The following MAP4K4 variants were observed in gnomAD, a reference collection of about 807,000 sequenced individuals.
MAP4K4 encodes the protein mitogen-activated protein kinase kinase kinase kinase 4.
A neutral mutation model predicts 189.6 loss-of-function variants in MAP4K4; 38 were observed. The ratio of observed to expected loss-of-function variants is 0.20; its 90% confidence interval spans 0.15 to 0.26. The LOEUF is 0.26. Among genes scored for constraint, MAP4K4 ranks in the 10% least tolerant of loss-of-function variants. MAP4K4 has a pLI of 1.00. For missense variants in MAP4K4, 1,054 were observed against 1,726.9 expected (o/e 0.61, Z 6.91); for synonymous variants, 610 against 624.3 (o/e 0.98, Z 0.34).
chr2:101,768,581 G>C (rs1350596966), intron 2 of MAP4K4, among the ~76,000 whole-genome samples: 7 of 152,090 alleles, frequency 4.6e-5, no homozygotes, highest in Admixed American at 4.6e-4. Flanking sequence ...AGACAATGTA[G>C]TAATACGTCT....
At position 101,720,276 on chromosome 2, in the gene MAP4K4, C is replaced by A. The variant is rs189944113; in HGVS notation, c.123+21738C>A. 7.8e-3 allele frequency among the ~76,000 whole-genome samples: 1,178 copies of A among 151,354 alleles called. 10 individuals carry two copies. Among genetic ancestry groups the A allele is most frequent in the Non-Finnish European group, 0.012 (791 of 67,822 alleles). ...GCAACTTCCACCTCCCAGGTTCAAG[C>A]CATTCTCCTCCCTCAGCTTCCTGAG... On this transcript the variant is annotated intron_variant, in intron 2 of 32. Coordinates refer to ENST00000324219, the Ensembl canonical transcript of MAP4K4.
intron 2 of MAP4K4, among the ~76,000 whole-genome samples, chr2:101,741,058 A>T (rs1276083518): frequency 6.6e-6 from 1 of 152,218 alleles, no homozygotes; most frequent in Non-Finnish European, 1.5e-5. Context: ...TCTGAGAATC[A>T]AATTCAACTT....
chr2:101,854,996 G>A (rs753558142), intron 12 of MAP4K4, among the ~76,000 whole-genome samples: 1 of 152,186 alleles, frequency 6.6e-6, no homozygotes, highest in Non-Finnish European at 1.5e-5. Flanking sequence ...TAGTGACTAC[G>A]GAGCAGTGCA....
chr2:101,837,633 A>G (rs1200456606), intron 9 of MAP4K4, among the ~76,000 whole-genome samples: 2 of 152,176 alleles, frequency 1.3e-5, no homozygotes, highest in Admixed American at 1.3e-4. Flanking sequence ...CCAAGGAATC[A>G]GCTGTGGAGC....
intron 2 of MAP4K4, among the ~76,000 whole-genome samples, chr2:101,741,402 T>A (rs1233824974): frequency 1.3e-5 from 2 of 151,958 alleles, no homozygotes; most frequent in African/African-American, 4.8e-5. Flanking sequence ...TCTCCTGACC[T>A]CGTGATCTGC....
intron 28 of MAP4K4, 143 bp from the exon 29 acceptor site, chr2:101,885,044 C>G (rs181854470): frequency 2.3e-5 from 11 of 477,144 alleles, no homozygotes; most frequent in Non-Finnish European, 4.2e-5. Flanking sequence ...TGTGATCTCT[C>G]TCTCTGAATT....
chr2:101,846,232 A>C (rs73943797), intron 12 of MAP4K4, among the ~76,000 whole-genome samples: 2,150 of 152,336 alleles, frequency 0.014, 52 homozygotes, highest in African/African-American at 0.049. Context: ...CTTTGAACGT[A>C]ATAAATCTTG....
chr2:101,757,349 T>C (rs2073413969), intron 2 of MAP4K4, among the ~76,000 whole-genome samples: 1 of 152,228 alleles, frequency 6.6e-6, no homozygotes, highest in Non-Finnish European at 1.5e-5. Context: ...TTATCTCTTT[T>C]TCTACAAAAT....
chr2:101,776,909 G>A (rs1020679983), intron 2 of MAP4K4, among the ~76,000 whole-genome samples: 1 of 152,062 alleles, frequency 6.6e-6, no homozygotes, highest in Non-Finnish European at 1.5e-5. Context: ...CCTAAATTTA[G>A]GATTTTGTTT....
chr2:101,734,257 A>G (rs2059559503), intron 2 of MAP4K4, among the ~76,000 whole-genome samples: 1 of 152,350 alleles, frequency 6.6e-6, no homozygotes. Flanking sequence ...GTAAAATAAT[A>G]TAATAACTTG....
At chr2:101,863,401 T>G (rs1397174750) in intron 16 of MAP4K4, among the ~76,000 whole-genome samples, 1 of 152,158 alleles carries the variant, frequency 6.6e-6, no homozygotes, top group Admixed American at 6.5e-5. Flanking sequence ...GATGGCTAGG[T>G]AGGTTTGCAC....
intron 27 of MAP4K4, among the ~76,000 whole-genome samples, chr2:101,878,786 TTTTA>T (rs1415661783): frequency 6.6e-6 from 1 of 152,216 alleles, no homozygotes; most frequent in African/African-American, 2.4e-5. Context: ...CACCAGTGAT[TTTTA>T]TTTAATTATC....
intron 3 of MAP4K4, among the ~76,000 whole-genome samples, chr2:101,792,871 C>G (rs1461409521): frequency 1.3e-5 from 2 of 152,062 alleles, no homozygotes; most frequent in Admixed American, 1.3e-4. Flanking sequence ...TGACTTCAAG[C>G]AATTCACCCG....
exon 33 of MAP4K4, chr2:101,892,472 A>T (rs1377316419): frequency 5.8e-6 from 1 of 171,852 alleles, no homozygotes; most frequent in Non-Finnish European, 1.3e-5. Context: ...ACTGCAGCCC[A>T]TGACACAAGA....
intron 18 of MAP4K4, among the ~76,000 whole-genome samples, 165 bp downstream of exon 18, chr2:101,865,201 A>G (rs1434477189): frequency 6.6e-6 from 1 of 152,258 alleles, no homozygotes; most frequent in African/African-American, 2.4e-5. Context: ...GGATGGCATC[A>G]AGTTGATGTG....
Position 101,839,761 on chromosome 2 carries a change from T to G in MAP4K4, c.774-58T>G, listed in dbSNP as rs1035686529. 30 of 1,328,272 alleles carry G rather than the reference T, an allele frequency of 2.3e-5. No individual in the cohort carries two copies. The African/African-American group carries it at 4.3e-4, about 19-fold the overall frequency. The allele number at this position is 1,328,272 out of a possible 1,614,324, so 82.3% of individuals were successfully genotyped here. A position where few individuals can be genotyped will look rare whatever the true frequency, so the allele number is the denominator to read the frequency against. On this transcript the variant is annotated intron_variant, in intron 9 of 32. Coordinates refer to ENST00000324219, the Ensembl canonical transcript of MAP4K4. ...TATGTTGAGGCTTGTAAGTTACTGA[T>G]ATTTTCGATCTTTACTCTTTGTGGT...
intron 2 of MAP4K4, among the ~76,000 whole-genome samples, chr2:101,748,234 G>T (rs1310697872): frequency 1.3e-5 from 2 of 152,164 alleles, no homozygotes; most frequent in Non-Finnish European, 2.9e-5. Context: ...GAGTGAAGCT[G>T]ATTAAGCAAG....
chr2:101,779,289 T>C (rs1232815838), intron 2 of MAP4K4, among the ~76,000 whole-genome samples: 1 of 152,170 alleles, frequency 6.6e-6, no homozygotes, highest in Non-Finnish European at 1.5e-5. Context: ...CTTTTAGTTA[T>C]GTAATGTGAT....
chr2:101,751,272 C>T (rs1034567568), intron 2 of MAP4K4, among the ~76,000 whole-genome samples: 6 of 152,178 alleles, frequency 3.9e-5, no homozygotes, highest in East Asian at 1.9e-4. Context: ...GGTAAACGTT[C>T]GGTGGAACAT....
Sources: gnomAD v4.1 joint callset for allele counts (sites outside exome capture counted in the v4.1 genomes callset) on GRCh38, gnomAD v4.1.1 for gene constraint, MANE v1.5 for transcripts, NCBI Gene and HGNC (gene_info 2026-07-23, HGNC 2026-07-21) for gene names.